SLC14A2: variants seen among roughly 807,000 people sequenced by gnomAD.
SLC14A2 encodes urea transporter 2.
In SLC14A2, 91 loss-of-function variants were observed where a neutral mutation model predicts 104.6. That is an observed-to-expected ratio of 0.87 (90% confidence interval 0.73 to 1.04). The LOEUF is 1.04. Among genes scored for constraint, SLC14A2 ranks in the 50% least tolerant of loss-of-function variants. SLC14A2 has a pLI of 0.00. For synonymous variants in SLC14A2, 476 were observed against 466.4 expected, an observed-to-expected ratio of 1.02 and a Z score of -0.27; for missense variants, 1,189 against 1,156.0, an observed-to-expected ratio of 1.03 and a Z score of -0.41.
chr18:45,246,654 C>T (rs375566648), intron 1 of SLC14A2, among the ~76,000 whole-genome samples: 6 of 152,106 alleles, frequency 3.9e-5, no homozygotes, highest in African/African-American at 1.4e-4. Flanking sequence ...CTCACTGCAA[C>T]CTCCGCCTCC....
At chr18:45,635,462 C>T (rs2045404521) in intron 5 of SLC14A2, among the ~76,000 whole-genome samples, 1 of 152,152 alleles carries the variant, frequency 6.6e-6, no homozygotes, top group Admixed American at 6.5e-5. Context: ...GTAGCCCAGA[C>T]AAAGTATTTC....
intron 2 of SLC14A2, among the ~76,000 whole-genome samples, chr18:45,518,895 G>A (rs1229179856): frequency 6.6e-6 from 1 of 152,194 alleles, no homozygotes; most frequent in East Asian, 1.9e-4. Context: ...CAGGGAAAAC[G>A]AGATGTGTCC....
At chr18:45,564,284 C>T (rs192626132) in intron 2 of SLC14A2, among the ~76,000 whole-genome samples, 4 of 152,282 alleles carry the variant, frequency 2.6e-5, no homozygotes, top group East Asian at 3.9e-4. Context: ...AGGAATTTCC[C>T]GCCAAGTAGC....
intron 1 of SLC14A2, among the ~76,000 whole-genome samples, chr18:45,388,950 G>C (rs2085931272): frequency 6.6e-6 from 1 of 152,036 alleles, no homozygotes; most frequent in Non-Finnish European, 1.5e-5. Flanking sequence ...AATAAATAAG[G>C]GAAAATAGAA....
At chr18:45,431,970 C>G (rs1048432100) in intron 1 of SLC14A2, among the ~76,000 whole-genome samples, 6 of 152,088 alleles carry the variant, frequency 3.9e-5, no homozygotes, top group African/African-American at 1.4e-4. Context: ...CAATGGAAGG[C>G]AGTACAATGG....
intron 2 of SLC14A2, among the ~76,000 whole-genome samples, chr18:45,531,367 T>C (rs1476234992): frequency 6.6e-6 from 1 of 152,184 alleles, no homozygotes; most frequent in Non-Finnish European, 1.5e-5. Context: ...ACCTGTTGTT[T>C]CCTGACTTTT....
chr18:45,344,014 G>A (rs1382686753), intron 1 of SLC14A2, among the ~76,000 whole-genome samples: 1 of 152,176 alleles, frequency 6.6e-6, no homozygotes, highest in East Asian at 1.9e-4. Context: ...GATGCAATTT[G>A]TGCATAAAAG....
intron 1 of SLC14A2, among the ~76,000 whole-genome samples, chr18:45,388,004 C>T (rs1455617813): frequency 6.7e-6 from 1 of 149,090 alleles, no homozygotes; most frequent in Non-Finnish European, 1.5e-5. Context: ...CTGTATACAG[C>T]TTGGGAAGGC....
chr18:45,572,042 T>A (rs1294312175), intron 2 of SLC14A2, among the ~76,000 whole-genome samples: 1 of 151,486 alleles, frequency 6.6e-6, no homozygotes, highest in African/African-American at 2.4e-5. Flanking sequence ...AGATATGGAT[T>A]TTTTTAAAGC....
At chr18:45,600,999 G>C (rs556718028) in intron 2 of SLC14A2, among the ~76,000 whole-genome samples, 1 of 152,256 alleles carries the variant, frequency 6.6e-6, no homozygotes, top group Non-Finnish European at 1.5e-5. Flanking sequence ...ATAATGCAGT[G>C]AAGTAGGATA....
At chr18:45,226,239 A>C (rs1392812713) in intron 1 of SLC14A2, among the ~76,000 whole-genome samples, 1 of 152,222 alleles carries the variant, frequency 6.6e-6, no homozygotes, top group African/African-American at 2.4e-5. Flanking sequence ...AACTAGTTCA[A>C]CTGCTGTGGA....
chr18:45,354,316 G>C (rs2085530626), intron 1 of SLC14A2, among the ~76,000 whole-genome samples: 1 of 152,184 alleles, frequency 6.6e-6, no homozygotes, highest in South Asian at 2.1e-4. Flanking sequence ...CCTAGACACT[G>C]GGAGGAGGCT....
chr18:45,538,850 CTTT>C (rs61475766), intron 2 of SLC14A2, among the ~76,000 whole-genome samples: 51 of 105,256 alleles, frequency 4.8e-4, no homozygotes, highest in Middle Eastern at 6.0e-3. Flanking sequence ...TCCCCCTTCC[CTTT>C]TTTTTTTTTT....
At chr18:45,464,334 A>T (rs1455408998) in intron 1 of SLC14A2, among the ~76,000 whole-genome samples, 1 of 151,920 alleles carries the variant, frequency 6.6e-6, no homozygotes, top group Non-Finnish European at 1.5e-5. Context: ...CAGCTCTGAA[A>T]CCCCATGGAC....
chr18:45,324,408 T>C (rs529955452), intron 1 of SLC14A2, among the ~76,000 whole-genome samples: 1 of 152,168 alleles, frequency 6.6e-6, no homozygotes, highest in Non-Finnish European at 1.5e-5. Context: ...TAAGTCCTTT[T>C]TTATTCCTCC....
chr18:45,260,964 C>T (rs1382728757), intron 1 of SLC14A2, among the ~76,000 whole-genome samples: 1 of 152,122 alleles, frequency 6.6e-6, no homozygotes, highest in South Asian at 2.1e-4. Context: ...TGTAACAAAC[C>T]TGCACGTGTA....
intron 2 of SLC14A2, among the ~76,000 whole-genome samples, chr18:45,494,118 G>A (rs746350273): frequency 1.2e-4 from 19 of 152,152 alleles, no homozygotes; most frequent in Middle Eastern, 3.2e-3. Context: ...CCAGAGTGGC[G>A]GTATAGGAAG....
intron 2 of SLC14A2, among the ~76,000 whole-genome samples, chr18:45,517,516 T>C (rs908557388): frequency 2.6e-5 from 4 of 152,154 alleles, no homozygotes; most frequent in Non-Finnish European, 4.4e-5. Context: ...GCAGGAGGGT[T>C]TGTTATTCTT....
intron 1 of SLC14A2, among the ~76,000 whole-genome samples, chr18:45,345,576 CTTTA>C (rs1480879992): frequency 6.6e-6 from 1 of 152,138 alleles, no homozygotes; most frequent in Non-Finnish European, 1.5e-5. Context: ...GTCTTCTGGA[CTTTA>C]TTTATAAGCA....
Sources: allele counts gnomAD v4.1 joint callset (sites outside exome capture counted in the v4.1 genomes callset), GRCh38; gene constraint gnomAD v4.1.1; transcripts MANE v1.5; gene names NCBI Gene and HGNC (gene_info 2026-07-23, HGNC 2026-07-21).